EPHB1: variants seen among roughly 807,000 people sequenced by gnomAD.
EPHB1 encodes ephrin type-B receptor 1.
In EPHB1, 30 loss-of-function variants were observed where a neutral mutation model predicts 94.4. The ratio of observed to expected loss-of-function variants is 0.32; its 90% CI spans 0.24 to 0.43. EPHB1 has a LOEUF of 0.43. EPHB1 is among the 20% of genes least tolerant of loss of function. The pLI is 1.00. For missense variants in EPHB1, 1,055 were observed against 1,308.3 expected (o/e 0.81, Z 2.99); for synonymous variants, 522 against 489.1 (o/e 1.07, Z -0.89).
intron 5 of EPHB1, among the ~76,000 whole-genome samples, chr3:135,146,460 G>A (rs749405100): frequency 1.2e-4 from 18 of 152,236 alleles, no homozygotes; most frequent in Non-Finnish European, 2.5e-4. Context: ...GCAGGGCCAT[G>A]GGAGCATCGG....
rs201954787 is a variant in EPHB1, at chr3:134,936,569, G to GC, written c.123+10690dup. Among the ~76,000 whole-genome samples, 982 of 152,038 alleles carry GC rather than the reference G, an allele frequency of 6.5e-3. 7 individuals carry two copies. Among genetic ancestry groups the GC allele is most frequent in the Middle Eastern group, 0.024 (7 of 294 alleles). Reference sequence around the variant, plus strand: ...GTCCTCAGTGTCAGTGGGGCTGAACGCGCCCCCCCCTCCATTTGAGATGCT... The same window carrying GC: ...GTCCTCAGTGTCAGTGGGGCTGAACGCCGCCCCCCCCTCCATTTGAGATGCT... On this transcript the variant is annotated intron_variant, in intron 2 of 15. Coordinates refer to ENST00000398015, the MANE Select transcript of EPHB1 (RefSeq NM_004441.5).
chr3:135,195,429 A>G (rs1417080229), intron 11 of EPHB1, among the ~76,000 whole-genome samples: 2 of 151,792 alleles, frequency 1.3e-5, no homozygotes, highest in Non-Finnish European at 2.9e-5. Context: ...GGTGCACTGC[A>G]CCCACTAACT....
intron 3 of EPHB1, among the ~76,000 whole-genome samples, chr3:135,074,969 G>C (rs1413166262): frequency 6.6e-6 from 1 of 152,176 alleles, no homozygotes; most frequent in African/African-American, 2.4e-5. Context: ...ACCCCTCGCT[G>C]TAATACACCT....
At chr3:135,008,668 A>G (rs1016156589) in intron 3 of EPHB1, among the ~76,000 whole-genome samples, 2 of 152,208 alleles carry the variant, frequency 1.3e-5, no homozygotes, top group Non-Finnish European at 2.9e-5. Context: ...GAGCAGTTAA[A>G]TAATCTGTCT....
intron 12 of EPHB1, among the ~76,000 whole-genome samples, chr3:135,205,251 T>C (rs1487066383): frequency 6.6e-6 from 1 of 152,222 alleles, no homozygotes; most frequent in African/African-American, 2.4e-5. Flanking sequence ...ATTTGTGTTT[T>C]CTATTGTTTG....
chr3:135,245,082 T>TATC (rs1943886907), intron 13 of EPHB1, among the ~76,000 whole-genome samples: 1 of 152,362 alleles, frequency 6.6e-6, no homozygotes, highest in East Asian at 1.9e-4. Context: ...TTTCAAATAC[T>TATC]ATCTTCCTGG....
At chr3:135,040,201 A>C (rs66778892) in intron 3 of EPHB1, among the ~76,000 whole-genome samples, 15,790 of 152,226 alleles carry the variant, frequency 0.1, 1,323 homozygotes, top group African/African-American at 0.23. Flanking sequence ...CATCTCTGAA[A>C]CTTGATTCCA....
chr3:135,240,476 A>C (rs1325055818), intron 12 of EPHB1, among the ~76,000 whole-genome samples: 7 of 152,306 alleles, frequency 4.6e-5, no homozygotes, highest in Non-Finnish European at 8.8e-5. Context: ...CCCTGTAGAA[A>C]AGAGCATCTC....
At chr3:134,989,663 A>T (rs1260496132) in intron 3 of EPHB1, among the ~76,000 whole-genome samples, 4 of 152,224 alleles carry the variant, frequency 2.6e-5, no homozygotes, top group African/African-American at 4.8e-5. Context: ...GAAAGATGTG[A>T]TCACGGTAAT....
intron 12 of EPHB1, among the ~76,000 whole-genome samples, chr3:135,224,969 C>G (rs1411069606): frequency 2.6e-5 from 4 of 152,218 alleles, no homozygotes; most frequent in African/African-American, 9.6e-5. Context: ...TCAGACCTAG[C>G]TTATTCCATC....
intron 6 of EPHB1, 62 bp from the exon 7 acceptor site, chr3:135,161,956 A>C: frequency 6.5e-7 from 1 of 1,530,700 alleles, no homozygotes; most frequent in Non-Finnish European, 8.8e-7. Context: ...TCCAGGGTGG[A>C]GTGGGCTGGG....
At chr3:134,875,697 T>A (rs1301638798) in intron 1 of EPHB1, among the ~76,000 whole-genome samples, 3 of 152,230 alleles carry the variant, frequency 2.0e-5, no homozygotes, top group Non-Finnish European at 4.4e-5. Context: ...CATAGATCGC[T>A]GTACCTAAGT....
chr3:134,830,766 G>T (rs1322902920), intron 1 of EPHB1, among the ~76,000 whole-genome samples: 2 of 152,202 alleles, frequency 1.3e-5, no homozygotes, highest in African/African-American at 4.8e-5. Flanking sequence ...GCCTTGGGCC[G>T]CAGATGCAAC....
intron 13 of EPHB1, among the ~76,000 whole-genome samples, chr3:135,244,118 C>T (rs780318653): frequency 6.6e-6 from 1 of 152,188 alleles, no homozygotes; most frequent in Admixed American, 6.5e-5. Flanking sequence ...AGTCACTCCA[C>T]CCAGTCCCAG....
chr3:134,836,264 C>A (rs763978381), intron 1 of EPHB1, among the ~76,000 whole-genome samples: 21 of 152,166 alleles, frequency 1.4e-4, no homozygotes, highest in Non-Finnish European at 2.9e-4. Context: ...ATTTAAACAC[C>A]TATTATACTC....
chr3:135,135,143 T>A (rs563232454), intron 5 of EPHB1, among the ~76,000 whole-genome samples: 2 of 152,274 alleles, frequency 1.3e-5, no homozygotes, highest in South Asian at 4.1e-4. Context: ...CTAGCCTCCA[T>A]TATCACCTTC....
intron 2 of EPHB1, among the ~76,000 whole-genome samples, chr3:134,943,739 A>G (rs1444029711): frequency 6.6e-6 from 1 of 152,170 alleles, no homozygotes; most frequent in Non-Finnish European, 1.5e-5. Flanking sequence ...GGCATCATTC[A>G]TAACATGTTT....
chr3:135,114,537 TAAAAAAAAAAA>T (rs56100882), intron 4 of EPHB1, among the ~76,000 whole-genome samples: 72 of 37,222 alleles, frequency 1.9e-3, no homozygotes, highest in African/African-American at 7.0e-3. Context: ...CTGTCTCTAC[TAAAAAAAAAAA>T]AAAAAAAAAA....
intron 3 of EPHB1, among the ~76,000 whole-genome samples, chr3:134,972,400 A>T (rs1271479366): frequency 6.8e-6 from 1 of 146,178 alleles, no homozygotes; most frequent in Non-Finnish European, 1.5e-5. Flanking sequence ...ATATAAGTAT[A>T]TTATATATCT....
Sources: allele counts gnomAD v4.1 joint callset (sites outside exome capture counted in the v4.1 genomes callset), GRCh38; gene constraint gnomAD v4.1.1; transcripts MANE v1.5; gene names NCBI Gene and HGNC (gene_info 2026-07-23, HGNC 2026-07-21).